WIPF1: variants seen among roughly 807,000 people sequenced by gnomAD.
WIPF1 encodes the protein WAS/WASL-interacting protein family member 1.
In WIPF1, 13 loss-of-function variants were observed where a neutral mutation model predicts 35.4. The ratio of observed to expected loss-of-function variants is 0.37; its 90% CI spans 0.24 to 0.58. WIPF1 has a LOEUF of 0.58. Ranked by LOEUF, WIPF1 falls within the 20% of genes least tolerant of loss-of-function variation. WIPF1 has a pLI of 0.74. For synonymous variants in WIPF1, 267 were observed against 266.3 expected, an observed-to-expected ratio of 1.00 and a Z score of -0.02; for missense variants, 591 against 667.0, an observed-to-expected ratio of 0.89 and a Z score of 1.25.
chr2:174,634,957 C>A (rs969503110), intron 1 of WIPF1, among the ~76,000 whole-genome samples: 5 of 152,210 alleles, frequency 3.3e-5, no homozygotes, highest in African/African-American at 1.2e-4. Flanking sequence ...GTCATTAGGA[C>A]AGCCCCTGGG....
chr2:174,562,820 T>G (rs564920934), intron 7 of WIPF1, among the ~76,000 whole-genome samples: 233 of 152,312 alleles, frequency 1.5e-3, no homozygotes, highest in Non-Finnish European at 2.9e-3. Flanking sequence ...GGCTCCCAAG[T>G]ACTTGCACAA....
intron 7 of WIPF1, 23 bp downstream of exon 7, chr2:174,567,047 A>G (rs1475511806): frequency 1.2e-6 from 2 of 1,612,012 alleles, no homozygotes; most frequent in Non-Finnish European, 1.7e-6. Context: ...TGAATCTTCA[A>G]AAACCTTGGC....
rs780884199 is a variant in WIPF1 at position 174,642,343 on chromosome 2, C to CTTTT, written c.-39+40427_-39+40430dup. The stretch of plus-strand genomic sequence containing the variant: ...TATCTTCATTACTTCCTTCCTCCAC[C>CTTTT]TTTTTTTTTTTTTTTTTTTTTGAGA... On this transcript the variant is annotated intron_variant, in intron 1 of 8. Coordinates refer to the WIPF1 transcript ENST00000272746. Among the ~76,000 whole-genome samples, 160 of 102,806 alleles carry CTTTT rather than the reference C, an allele frequency of 1.6e-3. 1 individual carries two copies. Among genetic ancestry groups the CTTTT allele is most frequent in the East Asian group, 2.2e-3 (6 of 2,786 alleles). The allele number at this position is 102,806 out of a possible 152,430, so 67.4% of individuals were successfully genotyped here. A position where few individuals can be genotyped will look rare whatever the true frequency, so the allele number is the denominator to read the frequency against.
At chr2:174,577,883 C>T (rs1173860339) in intron 3 of WIPF1, among the ~76,000 whole-genome samples, 1 of 150,856 alleles carries the variant, frequency 6.6e-6, no homozygotes, top group African/African-American at 2.4e-5. Context: ...CATACCATTA[C>T]TCCAGCCTGG....
rs1686711149 is a variant in WIPF1, at chr2:174,622,654, G to A, written c.-38-37043C>T. Among the ~76,000 whole-genome samples, 1 of 152,186 alleles carries A rather than the reference G, an allele frequency of 6.6e-6. No individual in the cohort carries two copies. Among genetic ancestry groups the A allele is most frequent in the South Asian group, 2.1e-4 (1 of 4,832 alleles). On this transcript the variant is annotated intron_variant, in intron 1 of 8. Transcript: ENST00000272746. This position sits in a 1 kb window ranked among gnomAD's most constrained non-coding sequence, Gnocchi z 5.1. Reference sequence around the variant, plus strand: ...GGCTGATGGTCACTGCTACCCACTGGTTGTCTTTCAGGCTTGCATTTATTC... The same window carrying A: ...GGCTGATGGTCACTGCTACCCACTGATTGTCTTTCAGGCTTGCATTTATTC...
At chr2:174,643,689 C>T (rs567419365) in intron 1 of WIPF1, among the ~76,000 whole-genome samples, 3 of 152,016 alleles carry the variant, frequency 2.0e-5, no homozygotes, top group East Asian at 1.9e-4. Context: ...GGATTACAGG[C>T]GTGAGCCACC....
intron 4 of WIPF1, chr2:174,574,781 A>C: frequency 1.5e-6 from 1 of 675,424 alleles, no homozygotes; most frequent in Non-Finnish European, 2.7e-6. Flanking sequence ...ATATTCCACA[A>C]GATGTGCTCC....
chr2:174,647,127 G>A (rs1366100164), intron 1 of WIPF1, among the ~76,000 whole-genome samples: 1 of 152,118 alleles, frequency 6.6e-6, no homozygotes, highest in Non-Finnish European at 1.5e-5. Flanking sequence ...TCAAAAGTAA[G>A]GAGGAAAGCT....
intron 1 of WIPF1, among the ~76,000 whole-genome samples, chr2:174,621,587 G>A (rs926822887): frequency 2.4e-4 from 37 of 151,440 alleles, no homozygotes; most frequent in Non-Finnish European, 4.4e-4. Context: ...TACAATGCAA[G>A]CCCCATGCAT....
chr2:174,623,238 A>C (rs1462811936), intron 1 of WIPF1, among the ~76,000 whole-genome samples: 2 of 152,226 alleles, frequency 1.3e-5, no homozygotes, highest in Admixed American at 6.5e-5. Context: ...GAAACCAATA[A>C]ACATTTACTT....
chr2:174,627,411 TTTC>T lies in WIPF1; in HGVS notation c.-38-41803_-38-41801del, dbSNP rs890410292. On this transcript the variant is annotated intron_variant, in intron 1 of 8. Coordinates refer to the WIPF1 transcript ENST00000272746. Reference sequence around the variant, plus strand: ...TCTTATGATTTTCTTTTCTTTTTCTTTTCTTCTTTCCTTCTTTCTTTCCTTTCT... The same window carrying T: ...TCTTATGATTTTCTTTTCTTTTTCTTTTCTTTCCTTCTTTCTTTCCTTTCT... Among the ~76,000 whole-genome samples the T allele has an allele frequency of 7.9e-5, 12 of 152,098 alleles. No homozygotes were observed. The South Asian group carries it at 1.2e-3, about 16-fold the overall frequency.
At chr2:174,651,947 C>T (rs567520266) in intron 1 of WIPF1, among the ~76,000 whole-genome samples, 1 of 152,292 alleles carries the variant, frequency 6.6e-6, no homozygotes, top group African/African-American at 2.4e-5. Context: ...CATGTAGATG[C>T]CTGGTACAAG....
chr2:174,669,534 A>G (rs1165422411), intron 1 of WIPF1, among the ~76,000 whole-genome samples: 1 of 152,240 alleles, frequency 6.6e-6, no homozygotes, highest in African/African-American at 2.4e-5. Context: ...ATTATCTGCT[A>G]TCAAGTAGTT....
At chr2:174,629,329 A>T (rs28458405) in intron 1 of WIPF1, among the ~76,000 whole-genome samples, 106,756 of 151,796 alleles carry the variant, frequency 0.7, 38,448 homozygotes, top group East Asian at 0.97. Context: ...CCTCTTAAAC[A>T]GTTTTATTCT....
intron 1 of WIPF1, among the ~76,000 whole-genome samples, chr2:174,644,568 G>A (rs1687362976): frequency 6.6e-6 from 1 of 152,018 alleles, no homozygotes; most frequent in Non-Finnish European, 1.5e-5. Flanking sequence ...ACAAATTTTG[G>A]ACTCTTGAGA....
chr2:174,618,043 T>C (rs1342024905), intron 1 of WIPF1, among the ~76,000 whole-genome samples: 1 of 152,220 alleles, frequency 6.6e-6, no homozygotes, highest in Non-Finnish European at 1.5e-5. Context: ...AGGTGGGAAA[T>C]GACAAAGGTC....
chr2:174,629,984 A>G (rs1007676479), intron 1 of WIPF1: 3 of 152,260 alleles, frequency 2.0e-5, no homozygotes, highest in African/African-American at 7.2e-5. Context: ...TAATACATGC[A>G]TAACTTCCTA....
chr2:174,622,126 A>G lies in WIPF1; in HGVS notation c.-38-36515T>C, dbSNP rs1337814225. Among the ~76,000 whole-genome samples the G allele has an allele frequency of 1.3e-5, 2 of 152,198 alleles. No homozygotes were observed. The highest frequency in any genetic ancestry group is 6.5e-5 in the Admixed American group (1 of 15,292). On this transcript the variant is annotated intron_variant, in intron 1 of 8. Coordinates refer to the WIPF1 transcript ENST00000272746. The surrounding 1 kb of genome is among the most constrained non-coding windows in gnomAD (Gnocchi z 5.1). ...GCCTTTTAGGTTATTAAATACCCTG[A>G]CAGCAACCTGACTGAATTTAGAGCC...
chr2:174,631,198 G>GA (rs1273761719), intron 1 of WIPF1, among the ~76,000 whole-genome samples: 2 of 152,220 alleles, frequency 1.3e-5, no homozygotes, highest in East Asian at 3.9e-4. Context: ...TCACAACAGC[G>GA]AAAAAGTAGA....
Sources: gnomAD v4.1 joint callset for allele counts (sites outside exome capture counted in the v4.1 genomes callset) on GRCh38, gnomAD v4.1.1 for gene constraint, Gnocchi (gnomAD v3.1) non-coding constraint, MANE v1.5 for transcripts, NCBI Gene and HGNC (gene_info 2026-07-23, HGNC 2026-07-21) for gene names.